The following SNTG2 variants were observed in gnomAD, a reference collection of about 807,000 sequenced individuals.
SNTG2 encodes gamma-2-syntrophin.
In SNTG2, 74 loss-of-function variants were observed where a neutral mutation model predicts 70.9. The observed-to-expected ratio is 1.04, with a 90% CI of 0.86 to 1.27. The LOEUF is 1.27. Ranked by LOEUF, SNTG2 falls within the 50% of genes most tolerant of loss-of-function variation. SNTG2 has a pLI of 0.00. For synonymous variants in SNTG2, 278 were observed against 273.8 expected (o/e 1.02, Z -0.15); for missense variants, 717 against 690.7 (o/e 1.04, Z -0.43).
chr2:1,328,686 T>C (rs555104576), intron 16 of SNTG2, among the ~76,000 whole-genome samples: 9 of 152,182 alleles, frequency 5.9e-5, no homozygotes, highest in Admixed American at 5.9e-4. Context: ...TATCAACTAG[T>C]GGAGAAACAC....
At chr2:1,069,351 A>C (rs1322877208) in intron 1 of SNTG2, among the ~76,000 whole-genome samples, 1 of 148,386 alleles carries the variant, frequency 6.7e-6, no homozygotes, top group African/African-American at 2.5e-5. Flanking sequence ...AAAAAAAAAA[A>C]ACCTCTTGTC....
chr2:1,250,085 G>A (rs1677664186), intron 12 of SNTG2, among the ~76,000 whole-genome samples: 1 of 152,294 alleles, frequency 6.6e-6, no homozygotes, highest in East Asian at 1.9e-4. Flanking sequence ...GAAGGAACTG[G>A]AAATCGCAGA....
At chr2:1,330,495 G>A (rs1659468281) in intron 16 of SNTG2, among the ~76,000 whole-genome samples, 1 of 152,136 alleles carries the variant, frequency 6.6e-6, no homozygotes, top group Non-Finnish European at 1.5e-5. Context: ...TGTAATCTGT[G>A]CAGCAAGGTG....
intron 14 of SNTG2, among the ~76,000 whole-genome samples, chr2:1,269,168 T>G (rs1307857874): frequency 1.3e-5 from 2 of 152,228 alleles, no homozygotes; most frequent in African/African-American, 2.4e-5. Context: ...AATTTCTTTA[T>G]GAATAGTCCT....
intron 2 of SNTG2, among the ~76,000 whole-genome samples, chr2:1,093,155 A>C (rs541272027): frequency 1.3e-5 from 2 of 152,310 alleles, no homozygotes; most frequent in South Asian, 4.1e-4. Flanking sequence ...CAGGCCATAA[A>C]TTAGATTCAT....
At chr2:1,340,076 T>C (rs1660008817) in intron 16 of SNTG2, among the ~76,000 whole-genome samples, 1 of 152,252 alleles carries the variant, frequency 6.6e-6, no homozygotes, top group Non-Finnish European at 1.5e-5. Flanking sequence ...TCCCTCTCCA[T>C]GGCCTCTGAC....
chr2:976,289 A>G (rs1321153552), intron 1 of SNTG2, among the ~76,000 whole-genome samples: 2 of 152,184 alleles, frequency 1.3e-5, no homozygotes, highest in Admixed American at 6.5e-5. Context: ...TTTGAGTGGT[A>G]TTTTGAGTTG....
intron 4 of SNTG2, among the ~76,000 whole-genome samples, chr2:1,119,383 A>G (rs915614114): frequency 6.6e-6 from 1 of 152,220 alleles, no homozygotes; most frequent in African/African-American, 2.4e-5. Context: ...AATTCAGCAT[A>G]GTCCAGTGTC....
chr2:1,363,011 G>A (rs11211668), intron 16 of SNTG2, among the ~76,000 whole-genome samples: 108,219 of 150,506 alleles, frequency 0.72, 39,154 homozygotes, highest in East Asian at 0.94. Context: ...AGTCACCAAC[G>A]CTGAGCATTT....
At chr2:1,138,187 C>T (rs994107546) in intron 6 of SNTG2, among the ~76,000 whole-genome samples, 2 of 152,216 alleles carry the variant, frequency 1.3e-5, no homozygotes, top group Non-Finnish European at 2.9e-5. Flanking sequence ...ACCGCCCGGG[C>T]GCTGGAGCCT....
chr2:1,167,498 C>T (rs1670805440), intron 7 of SNTG2, among the ~76,000 whole-genome samples: 1 of 141,198 alleles, frequency 7.1e-6, no homozygotes, highest in Non-Finnish European at 1.5e-5. Flanking sequence ...CTAGAAGCCG[C>T]CCACAGACGG....
At chr2:1,194,483 A>G (rs1672785832) in intron 8 of SNTG2, among the ~76,000 whole-genome samples, 2 of 150,762 alleles carry the variant, frequency 1.3e-5, no homozygotes, top group African/African-American at 2.4e-5. Context: ...TCCTCAAAGG[A>G]CTAAAGGTCC....
At chr2:1,319,804 AT>A (rs1312440418) in intron 16 of SNTG2, among the ~76,000 whole-genome samples, 1 of 152,218 alleles carries the variant, frequency 6.6e-6, no homozygotes, top group Non-Finnish European at 1.5e-5. Context: ...GAGGTTGTGC[AT>A]TTATCAACGT....
rs995897505 is a variant in SNTG2, at chr2:1,202,097, G to A, written c.592-7006G>A. 4.6e-5 allele frequency among the ~76,000 whole-genome samples: 7 copies of A among 152,154 alleles called. No individual in the cohort carries two copies. In the East Asian group the frequency reaches 9.6e-4, roughly 21 times the overall value. ...TCAAGCTGGAAGGACATTAAACCACGTGGAAACTTGATACATAGGAAGAAG... is the reference window on the plus strand; with the variant it reads ...TCAAGCTGGAAGGACATTAAACCACATGGAAACTTGATACATAGGAAGAAG... On this transcript the variant is annotated intron_variant, in intron 8 of 16. Coordinates refer to ENST00000308624, the MANE Select transcript of SNTG2 (RefSeq NM_018968.4).
At position 1,236,399 on chromosome 2, in the gene SNTG2, T is replaced by G. The variant is rs561450847; in HGVS notation, c.720-1489T>G. Among the ~76,000 whole-genome samples the G allele has an allele frequency of 3.9e-5, 6 of 152,248 alleles. No homozygotes were observed. In the South Asian group the frequency reaches 1.2e-3, roughly 32 times the overall value. The stretch of plus-strand genomic sequence containing the variant: ...TGCTCCCCAGGAGGACCAGGAAAGG[T>G]GATCAGAAAGGGCTGTGCGAAGGTG... On this transcript the variant is annotated intron_variant, in intron 9 of 16. Coordinates refer to ENST00000308624, the MANE Select transcript of SNTG2 (RefSeq NM_018968.4).
At chr2:1,003,446 G>T (rs1659470772) in intron 1 of SNTG2, among the ~76,000 whole-genome samples, 1 of 152,156 alleles carries the variant, frequency 6.6e-6, no homozygotes, top group Admixed American at 6.5e-5. Flanking sequence ...GACCCAGTTG[G>T]AGGCTTCCAT....
intron 4 of SNTG2, among the ~76,000 whole-genome samples, chr2:1,127,342 C>T (rs569076968): frequency 5.9e-5 from 9 of 152,178 alleles, no homozygotes; most frequent in South Asian, 4.1e-4. Flanking sequence ...GCCTGTACCA[C>T]GTTGCTTTGG....
chr2:1,180,408 G>T (rs1400678402), intron 8 of SNTG2, among the ~76,000 whole-genome samples: 1 of 130,610 alleles, frequency 7.7e-6, no homozygotes. Context: ...GTGGGCAAAG[G>T]ACATGAACAG....
chr2:999,879 A>G (rs1385129944), intron 1 of SNTG2, among the ~76,000 whole-genome samples: 1 of 151,998 alleles, frequency 6.6e-6, no homozygotes, highest in East Asian at 1.9e-4. Flanking sequence ...ATAAGGTCGC[A>G]AAACAAGTCT....
Sources: allele counts gnomAD v4.1 joint callset (sites outside exome capture counted in the v4.1 genomes callset), GRCh38; gene constraint gnomAD v4.1.1; transcripts MANE v1.5; gene names NCBI Gene and HGNC (gene_info 2026-07-23, HGNC 2026-07-21).